ASS1: variants seen among roughly 807,000 people sequenced by gnomAD.
ASS1 encodes argininosuccinate synthase.
ASS1 carries 58 observed loss-of-function variants against 60.5 expected under a neutral mutation model. That is an observed-to-expected ratio of 0.96 (90% CI 0.78 to 1.19). The LOEUF is 1.19. Among genes scored for constraint, ASS1 ranks in the 50% most tolerant of loss-of-function variants. The probability of loss-of-function intolerance (pLI) is 0.00; values close to 1 mark genes in which losing one functional copy is unlikely to be tolerated. For missense variants in ASS1, 454 were observed against 547.3 expected (o/e 0.83, Z 1.70); for synonymous variants, 200 against 206.9 (o/e 0.97, Z 0.29).
chr9:130,471,455 C>A (rs1455286633), intron 7 of ASS1, 30 bp from the exon 8 acceptor site: 1 of 1,613,772 alleles, frequency 6.2e-7, no homozygotes, highest in Non-Finnish European at 8.5e-7. Context: ...CCCTCCCCAG[C>A]TGACCCTGTC....
At chr9:130,466,380 C>T in intron 5 of ASS1, 1 of 387,966 alleles carries the variant, frequency 2.6e-6, no homozygotes, top group Non-Finnish European at 4.9e-6. Flanking sequence ...ACGGCAGTGG[C>T]CCTGTGGCTG....
At chr9:130,446,581 G>C (rs932247881) in intron 1 of ASS1, among the ~76,000 whole-genome samples, 1 of 152,230 alleles carries the variant, frequency 6.6e-6, no homozygotes, top group South Asian at 2.1e-4. Context: ...CAGACACGTC[G>C]TGAGAGGGAA....
chr9:130,454,524 C>T, intron 3 of ASS1, 151 bp downstream of exon 3: 1 of 917,818 alleles, frequency 1.1e-6, no homozygotes, highest in East Asian at 2.7e-5. Context: ...GTGTGTGAAC[C>T]CTCTTGTTTT....
At chr9:130,483,461 G>T (rs1455172508) in intron 11 of ASS1, among the ~76,000 whole-genome samples, 1 of 151,214 alleles carries the variant, frequency 6.6e-6, no homozygotes, top group African/African-American at 2.4e-5. Context: ...CGCGGCTGGA[G>T]TAGCTTTCTC....
rs1267485731 is a variant in ASS1 at position 130,488,350 on chromosome 9, C to T, written c.839-983C>T. Among the ~76,000 whole-genome samples, 1 of 152,158 alleles carries T rather than the reference C, an allele frequency of 6.6e-6. No homozygotes were observed. Among genetic ancestry groups the T allele is most frequent in the Non-Finnish European group, 1.5e-5 (1 of 68,028 alleles). On this transcript the variant is annotated intron_variant, in intron 11 of 14. Transcript: ENST00000352480. This position sits in a 1 kb window ranked among gnomAD's most constrained non-coding sequence, Gnocchi z 5.2. ...CCATGGAGATGGGGGAGCTATGGCC[C>T]CTGCTCCACCCAGACAGCAGCTGCA...
In ASS1 at chr9:130,494,855, T is replaced by C; in HGVS notation, c.971-12T>C. 6.2e-7 allele frequency: 1 copy of C among 1,613,354 alleles called. No individual in the cohort carries two copies. Among genetic ancestry groups the C allele is most frequent in the Non-Finnish European group, 8.5e-7 (1 of 1,179,840 alleles). ...AGGCCTCCCTAGTGGTATCCTGTTT[T>C]CCTCCCTGTAGGTTTCTGGCACAGC... On this transcript the variant is annotated splice_polypyrimidine_tract_variant and intron_variant, in intron 12 of 14. Transcript: ENST00000352480. The surrounding 1 kb of genome is among the most constrained non-coding windows in gnomAD (Gnocchi z 4.3).
In ASS1 at chr9:130,476,538, C is replaced by T. The variant is rs954954640; in HGVS notation, c.598-333C>T. ...GTGCGTGCCGCTCCTGGGAAGCCCTCGGAACGCCGCCTTGCTCCTCCAAAG... is the reference window on the plus strand; with the variant it reads ...GTGCGTGCCGCTCCTGGGAAGCCCTTGGAACGCCGCCTTGCTCCTCCAAAG... On this transcript the variant is annotated intron_variant, in intron 8 of 14. Coordinates refer to ENST00000352480, the MANE Select transcript of ASS1 (RefSeq NM_054012.4). This position sits in a 1 kb window ranked among gnomAD's most constrained non-coding sequence, Gnocchi z 4.9. 28 of 460,950 alleles carry T rather than the reference C, an allele frequency of 6.1e-5. No homozygotes were observed. The highest frequency in any genetic ancestry group is 4.7e-4 in the East Asian group (11 of 23,284). 28.6% of individuals were successfully genotyped at this position (460,950 alleles called of 1,614,324 possible).
At chr9:130,447,596 G>A (rs1406122434) in intron 1 of ASS1, among the ~76,000 whole-genome samples, 8 of 152,256 alleles carry the variant, frequency 5.3e-5, no homozygotes, top group Non-Finnish European at 1.0e-4. Context: ...TTCCGGGGAA[G>A]GAGGGCTGGA....
At chr9:130,484,023 C>A (rs942158341) in intron 11 of ASS1, among the ~76,000 whole-genome samples, 1 of 152,072 alleles carries the variant, frequency 6.6e-6, no homozygotes, top group African/African-American at 2.4e-5. Context: ...GGTTTTCAGC[C>A]CCAGAGGCCC....
At chr9:130,456,271 G>A (rs556147483) in intron 3 of ASS1, among the ~76,000 whole-genome samples, 2 of 152,260 alleles carry the variant, frequency 1.3e-5, no homozygotes, top group Non-Finnish European at 2.9e-5. Flanking sequence ...TTCAAGACCA[G>A]CCTGGCCAAC....
rs750565763 is a variant in ASS1 at position 130,452,041 on chromosome 9, G to A, written c.-5-183G>A. 6.2e-5 allele frequency: 43 copies of A among 693,594 alleles called. 1 individual carries two copies. The highest frequency in any genetic ancestry group is 4.0e-4 in the South Asian group (27 of 66,688). 43.0% of individuals were successfully genotyped at this position (693,594 alleles called of 1,614,324 possible). ...CTGTGGGGCTGTGTGCAGAGTGTGC[G>A]AGGTCAGGGTTCCCGGGGGTGGCAG... On this transcript the variant is annotated intron_variant, in intron 1 of 14. Transcript: ENST00000352480.
At chr9:130,497,682 A>G (rs940894167) in intron 13 of ASS1, among the ~76,000 whole-genome samples, 1 of 152,176 alleles carries the variant, frequency 6.6e-6, no homozygotes. Flanking sequence ...GGAAGTTCCC[A>G]CCTTGGGGAA....
intron 11 of ASS1, among the ~76,000 whole-genome samples, chr9:130,485,752 G>A (rs1219250917): frequency 2.0e-5 from 3 of 152,240 alleles, no homozygotes; most frequent in East Asian, 1.9e-4. Flanking sequence ...GTGCCAGGAT[G>A]GAGGACCAGC....
chr9:130,466,941 C>A, intron 6 of ASS1, 142 bp downstream of exon 6: 1 of 983,608 alleles, frequency 1.0e-6, no homozygotes, highest in Non-Finnish European at 1.6e-6. Flanking sequence ...ACCCCAGCTG[C>A]CTACACACGT....
At position 130,489,275 on chromosome 9, in the gene ASS1, G is replaced by C; in HGVS notation, c.839-58G>C. The C allele has an allele frequency of 6.3e-7, 1 of 1,596,754 alleles. No individual in the cohort carries two copies. Among genetic ancestry groups the C allele is most frequent in the Non-Finnish European group, 8.6e-7 (1 of 1,168,498 alleles). On this transcript the variant is annotated intron_variant, in intron 11 of 14. Coordinates refer to ENST00000352480, the MANE Select transcript of ASS1 (RefSeq NM_054012.4). This position sits in a 1 kb window ranked among gnomAD's most constrained non-coding sequence, Gnocchi z 4.1. ...TTTTTTTGTCATTTGCTGACAGTTT[G>C]GGTTTCATGCGTTTCTCTCTTTTTT... is the stretch of plus-strand genomic sequence containing the variant.
intron 4 of ASS1, among the ~76,000 whole-genome samples, chr9:130,458,989 C>T (rs1006890576): frequency 5.3e-5 from 8 of 152,248 alleles, no homozygotes; most frequent in African/African-American, 1.4e-4. Flanking sequence ...GCTGGCTTGC[C>T]GTGTGTCCTC....
At chr9:130,451,236 G>A (rs984185779) in intron 1 of ASS1, among the ~76,000 whole-genome samples, 1 of 152,166 alleles carries the variant, frequency 6.6e-6, no homozygotes, top group Non-Finnish European at 1.5e-5. Context: ...GCCTTCGGGA[G>A]GCTTCATTGT....
At chr9:130,448,221 C>T (rs566149138) in intron 1 of ASS1, among the ~76,000 whole-genome samples, 30 of 152,126 alleles carry the variant, frequency 2.0e-4, no homozygotes, top group Non-Finnish European at 3.8e-4. Context: ...GCAGGAGCAA[C>T]GCTGCTGTCT....
chr9:130,471,002 G>C, intron 7 of ASS1, 98 bp downstream of exon 7: 1 of 1,377,794 alleles, frequency 7.3e-7, no homozygotes, highest in Non-Finnish European at 1.0e-6. Flanking sequence ...CCACACCAGT[G>C]GTCCCTGCCC....
Sources: gnomAD v4.1 joint callset for allele counts (sites outside exome capture counted in the v4.1 genomes callset) on GRCh38, gnomAD v4.1.1 for gene constraint, Gnocchi (gnomAD v3.1) non-coding constraint, MANE v1.5 for transcripts, NCBI Gene and HGNC (gene_info 2026-07-23, HGNC 2026-07-21) for gene names.